Variants in CSMD3 observed in about 807,000 individuals in gnomAD.
CSMD3 encodes CUB and Sushi multiple domains 3, also known as CUB and sushi domain-containing protein 3.
In CSMD3, 177 loss-of-function variants were observed where a neutral mutation model predicts 435.2. That is an observed-to-expected ratio of 0.41 (90% CI 0.36 to 0.46). The LOEUF is 0.46. Among genes scored for constraint, CSMD3 ranks in the 20% least tolerant of loss-of-function variants. The probability of loss-of-function intolerance (pLI) is 0.34; values close to 1 mark genes in which losing one functional copy is unlikely to be tolerated. For missense variants in CSMD3, 4,265 were observed against 4,504.6 expected, an observed-to-expected ratio of 0.95 and a Z score of 1.52; for synonymous variants, 1,656 against 1,520.5, an observed-to-expected ratio of 1.09 and a Z score of -2.07.
At chr8:112,946,797 T>C (rs894322791) in intron 9 of CSMD3, among the ~76,000 whole-genome samples, 6 of 151,708 alleles carry the variant, frequency 4.0e-5, no homozygotes, top group Non-Finnish European at 1.5e-5. Flanking sequence ...GTAAACATTT[T>C]AGAAAATTAC....
intron 2 of CSMD3, among the ~76,000 whole-genome samples, chr8:113,302,161 G>A (rs988689639): frequency 6.8e-6 from 1 of 147,032 alleles, no homozygotes; most frequent in Admixed American, 6.9e-5. Flanking sequence ...TTGAAATCCT[G>A]TTTTTGATCT....
intron 3 of CSMD3, among the ~76,000 whole-genome samples, chr8:113,183,556 T>A (rs528742785): frequency 4.6e-5 from 7 of 152,088 alleles, no homozygotes; most frequent in Non-Finnish European, 7.4e-5. Context: ...ATCCTTAGAC[T>A]AAGAAACTTA....
At chr8:113,094,824 C>A (rs1337765279) in intron 5 of CSMD3, among the ~76,000 whole-genome samples, 1 of 152,092 alleles carries the variant, frequency 6.6e-6, no homozygotes, top group East Asian at 1.9e-4. Context: ...GTAATCCCAG[C>A]ACTTTGGGAG....
chr8:113,415,600 T>C (rs183015856), intron 1 of CSMD3, among the ~76,000 whole-genome samples: 6 of 152,322 alleles, frequency 3.9e-5, no homozygotes, highest in Admixed American at 3.9e-4. Context: ...ATTTGGTGGA[T>C]GTTGGCATAA....
At chr8:112,506,591 T>C in intron 29 of CSMD3, 100 bp downstream of exon 29, 1 of 1,154,210 alleles carries the variant, frequency 8.7e-7, no homozygotes, top group Non-Finnish European at 1.3e-6. Context: ...TAACAAAAAA[T>C]GCTATATACA....
At chr8:112,937,964 A>C (rs1224934269) in intron 9 of CSMD3, among the ~76,000 whole-genome samples, 3 of 152,168 alleles carry the variant, frequency 2.0e-5, no homozygotes, top group Admixed American at 2.0e-4. Context: ...ATTTTATTCA[A>C]GTCAAATGAG....
intron 1 of CSMD3, among the ~76,000 whole-genome samples, chr8:113,361,690 G>T (rs530547483): frequency 7.3e-6 from 1 of 137,708 alleles, no homozygotes; most frequent in Non-Finnish European, 1.5e-5. Context: ...TAACATCATT[G>T]GTCATCGAAA....
At chr8:112,521,559 G>T (rs1824284668) in intron 27 of CSMD3, among the ~76,000 whole-genome samples, 1 of 151,796 alleles carries the variant, frequency 6.6e-6, no homozygotes, top group Non-Finnish European at 1.5e-5. Context: ...ACTGAGGGCT[G>T]GAGTACCTTA....
intron 16 of CSMD3, among the ~76,000 whole-genome samples, chr8:112,668,535 G>A (rs1163446084): frequency 6.6e-6 from 1 of 152,094 alleles, no homozygotes; most frequent in Non-Finnish European, 1.5e-5. Context: ...AGTGCAAAAT[G>A]TGAGGGAGGC....
chr8:113,101,204 G>A (rs1226156329), intron 4 of CSMD3, among the ~76,000 whole-genome samples: 3 of 152,050 alleles, frequency 2.0e-5, no homozygotes, highest in Admixed American at 6.6e-5. Context: ...CTCTCCAGCT[G>A]GCTGCTTACA....
intron 31 of CSMD3, among the ~76,000 whole-genome samples, chr8:112,477,258 T>G (rs1014494319): frequency 1.3e-5 from 2 of 152,182 alleles, no homozygotes; most frequent in Non-Finnish European, 2.9e-5. Flanking sequence ...GCTTTACATT[T>G]GGGGGCAATA....
chr8:113,296,874 A>AGTT, intron 2 of CSMD3, among the ~76,000 whole-genome samples: 1 of 152,270 alleles, frequency 6.6e-6, no homozygotes, highest in Middle Eastern at 3.4e-3. Context: ...TCAAATATAA[A>AGTT]CTTCCAGAAA....
Position 112,594,658 on chromosome 8 carries a change from T to C in CSMD3, c.3716-7423A>G, listed in dbSNP as rs549248688. Among the ~76,000 whole-genome samples, 930 of 152,286 alleles carry C rather than the reference T, an allele frequency of 6.1e-3. 9 individuals carry two copies. The highest frequency in any genetic ancestry group is 6.6e-3 in the Non-Finnish European group (452 of 68,020). On this transcript the variant is annotated intron_variant, in intron 22 of 70. Transcript: ENST00000297405. The stretch of plus-strand genomic sequence containing the variant: ...AGTAGTGGTTCTCCCAGCACGCAGC[T>C]GGAGATCTGAGAACGGGCAGACTGC...
intron 35 of CSMD3, among the ~76,000 whole-genome samples, chr8:112,391,996 A>G (rs888639516): frequency 6.6e-6 from 1 of 152,144 alleles, no homozygotes; most frequent in African/African-American, 2.4e-5. Context: ...CAATCTCTGA[A>G]ACACAGATAT....
intron 5 of CSMD3, among the ~76,000 whole-genome samples, chr8:113,092,533 G>T (rs1393478313): frequency 6.6e-6 from 1 of 152,060 alleles, no homozygotes; most frequent in Non-Finnish European, 1.5e-5. Context: ...CATGTAATTA[G>T]ATTTTGGCCA....
At chr8:112,310,272 T>A (rs1299359872) in intron 50 of CSMD3, 2 of 152,298 alleles carry the variant, frequency 1.3e-5, no homozygotes, top group African/African-American at 4.8e-5. Flanking sequence ...CAAGCTGGAG[T>A]GCAGTGTTGC....
intron 4 of CSMD3, among the ~76,000 whole-genome samples, chr8:113,145,940 A>G (rs1261591331): frequency 6.6e-6 from 1 of 151,550 alleles, no homozygotes; most frequent in Admixed American, 6.6e-5. Context: ...GAAATAATTT[A>G]TCTATTAACT....
intron 3 of CSMD3, among the ~76,000 whole-genome samples, chr8:113,209,367 T>A (rs1295678823): frequency 6.6e-6 from 1 of 152,212 alleles, no homozygotes; most frequent in East Asian, 1.9e-4. Flanking sequence ...AAGGTATGAG[T>A]CATTCCATTA....
At chr8:112,976,896 C>T (rs1428119162) in intron 6 of CSMD3, among the ~76,000 whole-genome samples, 1 of 151,942 alleles carries the variant, frequency 6.6e-6, no homozygotes, top group African/African-American at 2.4e-5. Flanking sequence ...TTAATTCACA[C>T]AACGCTAGTT....
Sources: gnomAD v4.1 joint callset for allele counts (sites outside exome capture counted in the v4.1 genomes callset) on GRCh38, gnomAD v4.1.1 for gene constraint, MANE v1.5 for transcripts, NCBI Gene and HGNC (gene_info 2026-07-23, HGNC 2026-07-21) for gene names.